SSC5D: variants seen among roughly 807,000 people sequenced by gnomAD.
SSC5D encodes the protein soluble scavenger receptor cysteine-rich domain-containing protein SSC5D.
A neutral mutation model predicts 104.6 loss-of-function variants in SSC5D; 106 were observed. The observed-to-expected ratio is 1.01, with a 90% confidence interval of 0.87 to 1.19. The LOEUF is 1.19. Among genes scored for constraint, SSC5D ranks in the 50% most tolerant of loss-of-function variants. The probability of loss-of-function intolerance (pLI) is 0.00; values close to 1 mark genes in which losing one functional copy is unlikely to be tolerated. For synonymous variants in SSC5D, 860 were observed against 883.5 expected (o/e 0.97, Z 0.47); for missense variants, 1,993 against 2,153.8 (o/e 0.93, Z 1.48).
At chr19:55,516,090 T>G (rs545552762) in intron 13 of SSC5D, among the ~76,000 whole-genome samples, 3 of 152,054 alleles carry the variant, frequency 2.0e-5, no homozygotes, top group South Asian at 4.1e-4. Flanking sequence ...GGCCCAAAAT[T>G]TAAGGGGGTG....
rs1321078609 is a variant in SSC5D at position 55,489,033 on chromosome 19, G to A, written c.52+1G>A. 6.7e-7 allele frequency: 1 copy of A among 1,483,182 alleles called. No homozygotes were observed. Among genetic ancestry groups the A allele is most frequent in the African/African-American group, 1.4e-5 (1 of 69,000 alleles). 91.9% of individuals were successfully genotyped at this position (1,483,182 alleles called of 1,614,324 possible). A position where few individuals can be genotyped will look rare whatever the true frequency, so the allele number is the denominator to read the frequency against. On this transcript the variant is annotated splice_donor_variant, in intron 2 of 13. Transcript: ENST00000389623. LOFTEE classifies it high-confidence loss of function. ...GCCCTGGTGGGGATCCAGGCTGTTG[G>A]TAAGTGCCCAGACTCCTCCCATCTG...
intron 13 of SSC5D, among the ~76,000 whole-genome samples, chr19:55,516,627 TTTTG>T (rs72456565): frequency 0.14 from 20,638 of 151,912 alleles, 1,986 homozygotes; most frequent in African/African-American, 0.26. Flanking sequence ...TTTGGATTAA[TTTTG>T]ATTGTTTAAA....
chr19:55,512,260 A>G (rs540877616), intron 12 of SSC5D, among the ~76,000 whole-genome samples: 1 of 150,734 alleles, frequency 6.6e-6, no homozygotes, highest in South Asian at 2.1e-4. Flanking sequence ...GGACTGAATT[A>G]TCATTCTATT....
chr19:55,489,719 C>T lies in SSC5D; in HGVS notation c.361+57C>T, dbSNP rs530820676. 1.4e-4 allele frequency: 209 copies of T among 1,513,414 alleles called. No homozygotes were observed. In the Middle Eastern group the frequency reaches 2.9e-3, roughly 21 times the overall value. 93.7% of individuals were successfully genotyped at this position (1,513,414 alleles called of 1,614,324 possible). ...AGCTCCTTTGGAGATGACCCAGGAA[C>T]CCCAAGTCCTTAGCCCCAGCAAGTC... On this transcript the variant is annotated intron_variant, in intron 3 of 13. Transcript: ENST00000389623.
In SSC5D at chr19:55,517,736, A is replaced by C. The variant is rs1987905788; in HGVS notation, c.3460A>C (p.Thr1154Pro). The C allele has an allele frequency of 6.5e-7, 1 of 1,539,222 alleles. No individual in the cohort carries two copies. The highest frequency in any genetic ancestry group is 8.7e-7 in the Non-Finnish European group (1 of 1,143,332). Reference sequence around the variant, plus strand: ...CTCCCCAAGCCCTCACCCCACTACTACCCCTGATCCCACCATGGCCCCTGA... The same window carrying C: ...CTCCCCAAGCCCTCACCCCACTACTCCCCCTGATCCCACCATGGCCCCTGA... ...DPSPSPHPTT[T>P]PDPTMAPDPI... The change falls in exon 14 of 14, where the codon ACC (threonine) becomes CCC (proline). Residue 1154 changes from threonine to proline, a missense_variant. This residue lies in a region of SSC5D where 30 missense variants were observed against 52.4 expected (regional missense o/e 0.57). Transcript: ENST00000389623.
At chr19:55,501,329 C>T (rs1435755520) in intron 12 of SSC5D, 128 bp downstream of exon 12, 1 of 1,148,176 alleles carries the variant, frequency 8.7e-7, no homozygotes. Flanking sequence ...AAAGGTTTTC[C>T]TTGGCTCCTG....
chr19:55,489,058 G>A (rs1599909283), intron 2 of SSC5D, 26 bp downstream of exon 2: 5 of 1,203,738 alleles, frequency 4.2e-6, no homozygotes, highest in Non-Finnish European at 5.3e-6. Context: ...CCTCCCATCT[G>A]CCCGCCCCCC....
At position 55,513,182 on chromosome 19, in the gene SSC5D, G is replaced by A. The variant is rs760856624; in HGVS notation, c.2947+10G>A. The stretch of plus-strand genomic sequence containing the variant: ...GTCCATGGAGACACAGGTGAGACAC[G>A]TGGCTGGGGTGAGGAGACTGGGACG... On this transcript the variant is annotated intron_variant, in intron 13 of 13. Coordinates refer to ENST00000389623, the MANE Select transcript of SSC5D (RefSeq NM_001144950.2). The A allele has an allele frequency of 7.8e-5, 115 of 1,481,790 alleles. No individual in the cohort carries two copies. The highest frequency in any genetic ancestry group is 1.8e-4 in the Middle Eastern group (1 of 5,620). 91.8% of individuals were successfully genotyped at this position (1,481,790 alleles called of 1,614,324 possible). A position where few individuals can be genotyped will look rare whatever the true frequency, so the allele number is the denominator to read the frequency against.
chr19:55,517,669 A>T lies in SSC5D; in HGVS notation c.3393A>T (p.Pro1131=). The T allele has an allele frequency of 6.4e-7, 1 of 1,551,498 alleles. No individual in the cohort carries two copies. Among genetic ancestry groups the T allele is most frequent in the South Asian group, 1.2e-5 (1 of 84,044 alleles). The change falls in exon 14 of 14, where the codon CCA becomes CCT. Residue 1131 remains proline (P), a synonymous_variant. Coordinates refer to ENST00000389623, the MANE Select transcript of SSC5D (RefSeq NM_001144950.2). ...SDTTPDLDTT[P]YSSTVSEYSR... ...CAACCCCAGATTTGGACACAACTCC[A>T]TACTCCAGTACAGTCTCAGAATATT...
At position 55,500,021 on chromosome 19, in the gene SSC5D, G is replaced by A; in HGVS notation, c.1911G>A (p.Lys637=). 6.4e-7 allele frequency: 1 copy of A among 1,551,784 alleles called. No homozygotes were observed. The highest frequency in any genetic ancestry group is 8.7e-7 in the Non-Finnish European group (1 of 1,147,030). The change falls in exon 10 of 14, where the codon AAG becomes AAA. Residue 637 remains lysine (K), a synonymous_variant. Transcript: ENST00000389623. This position sits in a 1 kb window ranked among gnomAD's most constrained non-coding sequence, Gnocchi z 4.6. ...AGAAGTGGGTGACAAAAAATGCAAA[G>A]AGACCAACCACTCAACCCCCAGTGA... The part of the protein sequence containing the change: ...STKKWVTKNA[K]RPTTQPPVMP...
At chr19:55,509,293 T>G (rs1987701172) in intron 12 of SSC5D, among the ~76,000 whole-genome samples, 1 of 152,196 alleles carries the variant, frequency 6.6e-6, no homozygotes, top group African/African-American at 2.4e-5. Flanking sequence ...AGGATCCCCA[T>G]GCACTTAGTG....
At chr19:55,504,095 G>A in intron 12 of SSC5D, 1 of 1,534,730 alleles carries the variant, frequency 6.5e-7, no homozygotes. Flanking sequence ...CTGTGAGTTA[G>A]AGCTATCATT....
intron 12 of SSC5D, among the ~76,000 whole-genome samples, chr19:55,509,306 G>A (rs1216723060): frequency 1.3e-5 from 2 of 152,166 alleles, no homozygotes; most frequent in African/African-American, 2.4e-5. Context: ...ACTTAGTGGG[G>A]CAGGTTCGCA....
At position 55,489,659 on chromosome 19, in the gene SSC5D, G is replaced by A. The variant is rs201695873; in HGVS notation, c.358G>A (p.Ala120Thr). 2,277 of 1,532,748 alleles carry A rather than the reference G, an allele frequency of 1.5e-3. 1 individual carries two copies. The highest frequency in any genetic ancestry group is 1.9e-3 in the Non-Finnish European group (2,154 of 1,144,542). The allele number at this position is 1,532,748 out of a possible 1,614,324, so 94.9% of individuals were successfully genotyped here. Residue 120 changes from alanine (A) to threonine (T), a missense_variant, in exon 3 of 14, where the codon GCA becomes ACA. This residue lies in a region of SSC5D where 1,101 missense variants were observed against 1,085.0 expected (regional missense o/e 1.01). Coordinates refer to ENST00000389623, the MANE Select transcript of SSC5D (RefSeq NM_001144950.2). ...CGAGGAGGACGCGGGCGTCGTCTGC[G>A]CAGGTGAGGACACCCTGGCTGCTCC... Reference protein sequence around the residue: ...SHEEDAGVVCAGQRVANSRDD... With the variant: ...SHEEDAGVVCTGQRVANSRDD...
At position 55,489,052 on chromosome 19, in the gene SSC5D, C is replaced by A; in HGVS notation, c.52+20C>A. On this transcript the variant is annotated intron_variant, in intron 2 of 13. Transcript: ENST00000389623. ...CTGTTGGTAAGTGCCCAGACTCCTCCCATCTGCCCGCCCCCCCCCCCAGGC... is the reference window on the plus strand; with the variant it reads ...CTGTTGGTAAGTGCCCAGACTCCTCACATCTGCCCGCCCCCCCCCCCAGGC... 1.4e-6 allele frequency: 2 copies of A among 1,401,696 alleles called. No homozygotes were observed. Among genetic ancestry groups the A allele is most frequent in the Non-Finnish European group, 1.9e-6 (2 of 1,073,006 alleles). The allele number at this position is 1,401,696 out of a possible 1,614,324, so 86.8% of individuals were successfully genotyped here.
At chr19:55,510,457 T>C (rs1987731478) in intron 12 of SSC5D, among the ~76,000 whole-genome samples, 1 of 152,226 alleles carries the variant, frequency 6.6e-6, no homozygotes, top group South Asian at 2.1e-4. Context: ...CAAGTGATTT[T>C]CCTGCCTCAG....
intron 12 of SSC5D, 110 bp from the exon 13 acceptor site, chr19:55,512,901 A>G: frequency 2.3e-6 from 3 of 1,324,042 alleles, no homozygotes; most frequent in Non-Finnish European, 3.2e-6. Flanking sequence ...GTGGCGGTGC[A>G]GTTGAGACGG....
chr19:55,495,596 G>A (rs990710718), intron 8 of SSC5D, among the ~76,000 whole-genome samples: 2 of 151,842 alleles, frequency 1.3e-5, no homozygotes, highest in Non-Finnish European at 2.9e-5. Flanking sequence ...CTGAGGTATG[G>A]TGAGGCCAGG....
At chr19:55,494,509 G>A (rs1568476494) in intron 7 of SSC5D, 101 bp from the exon 8 acceptor site, 3 of 1,279,670 alleles carry the variant, frequency 2.3e-6, no homozygotes, top group South Asian at 1.6e-5. Context: ...ATCTCTGCGT[G>A]CAGCTGAGAG....
Sources: allele counts gnomAD v4.1 joint callset (sites outside exome capture counted in the v4.1 genomes callset), GRCh38; gene constraint gnomAD v4.1.1; regional missense constraint gnomAD v4.1.1; non-coding constraint Gnocchi (gnomAD v3.1); transcripts MANE v1.5; gene names NCBI Gene and HGNC (gene_info 2026-07-23, HGNC 2026-07-21).